Variants in CTNNA3 observed in about 807,000 individuals in gnomAD.
CTNNA3 encodes catenin alpha-3.
In CTNNA3, 76 loss-of-function variants were observed where a neutral mutation model predicts 95.7. The ratio of observed to expected loss-of-function variants is 0.79; its 90% confidence interval spans 0.66 to 0.96. The LOEUF (loss-of-function observed/expected upper bound fraction) is 0.96, where lower values mean the gene tolerates loss of function less well. Ranked by LOEUF, CTNNA3 falls within the 40% of genes least tolerant of loss-of-function variation. The probability of loss-of-function intolerance (pLI) is 0.00; values close to 1 mark genes in which losing one functional copy is unlikely to be tolerated. For synonymous variants in CTNNA3, 431 were observed against 374.4 expected, an observed-to-expected ratio of 1.15 and a Z score of -1.74; for missense variants, 1,191 against 1,089.8, an observed-to-expected ratio of 1.09 and a Z score of -1.31.
At chr10:65,979,605 T>G (rs1308967906) in intron 16 of CTNNA3, among the ~76,000 whole-genome samples, 2 of 152,116 alleles carry the variant, frequency 1.3e-5, no homozygotes, top group Non-Finnish European at 2.9e-5. Flanking sequence ...TCTTCTCCAC[T>G]TATACAAGAT....
chr10:67,711,094 C>T (rs1004670145), intron 1 of CTNNA3, among the ~76,000 whole-genome samples: 5 of 152,192 alleles, frequency 3.3e-5, no homozygotes, highest in African/African-American at 1.2e-4. Context: ...GCCTTATCTT[C>T]CACCATGATT....
intron 5 of CTNNA3, among the ~76,000 whole-genome samples, chr10:67,451,189 T>A (rs1846966692): frequency 6.6e-6 from 1 of 152,098 alleles, no homozygotes; most frequent in Non-Finnish European, 1.5e-5. Context: ...TGCTTCTGCC[T>A]TCTTCTATGG....
intron 1 of CTNNA3, among the ~76,000 whole-genome samples, chr10:67,741,273 A>G (rs1020460504): frequency 6.7e-6 from 1 of 150,128 alleles, no homozygotes; most frequent in Admixed American, 6.7e-5. Context: ...ACTAACCTGC[A>G]CATTGTGCAC....
At chr10:67,357,177 T>A (rs1430225111) in intron 5 of CTNNA3, among the ~76,000 whole-genome samples, 1 of 152,092 alleles carries the variant, frequency 6.6e-6, no homozygotes, top group Admixed American at 6.6e-5. Context: ...TCTCCACATG[T>A]ATCCTAACTT....
chr10:67,686,408 T>A (rs1482090828), intron 1 of CTNNA3, among the ~76,000 whole-genome samples: 1 of 152,176 alleles, frequency 6.6e-6, no homozygotes, highest in African/African-American at 2.4e-5. Flanking sequence ...GTGGCATAAG[T>A]CTGGACTATA....
At chr10:66,807,794 G>A (rs1348667547) in intron 7 of CTNNA3, among the ~76,000 whole-genome samples, 5 of 151,912 alleles carry the variant, frequency 3.3e-5, no homozygotes, top group African/African-American at 1.2e-4. Flanking sequence ...AGTTGAATTA[G>A]AAAAAAAGCT....
intron 5 of CTNNA3, among the ~76,000 whole-genome samples, chr10:67,392,848 T>C (rs969355261): frequency 2.1e-4 from 32 of 152,030 alleles, no homozygotes; most frequent in Admixed American, 7.2e-4. Context: ...TAGGTGGGAA[T>C]TGAACAATGA....
At chr10:67,023,092 T>G (rs900461625) in intron 7 of CTNNA3, among the ~76,000 whole-genome samples, 8 of 152,190 alleles carry the variant, frequency 5.3e-5, no homozygotes, top group Admixed American at 6.5e-5. Flanking sequence ...TGTATCTAAT[T>G]CAATGCCAAT....
intron 13 of CTNNA3, among the ~76,000 whole-genome samples, chr10:66,277,069 C>T (rs1015943202): frequency 1.3e-5 from 2 of 152,006 alleles, no homozygotes; most frequent in Non-Finnish European, 2.9e-5. Context: ...GTATGATAGT[C>T]TATAACCTCA....
chr10:66,083,041 T>TC (rs34691187), intron 14 of CTNNA3, among the ~76,000 whole-genome samples: 16,264 of 152,006 alleles, frequency 0.11, 1,063 homozygotes, highest in Non-Finnish European at 0.15. Context: ...ACTATTTTTT[T>TC]TTCTCTTTGC....
intron 11 of CTNNA3, among the ~76,000 whole-genome samples, chr10:66,432,248 C>A (rs1326854415): frequency 2.0e-5 from 3 of 152,018 alleles, no homozygotes; most frequent in African/African-American, 7.3e-5. Context: ...AAAAGCTAAC[C>A]TACTCATCCA....
intron 2 of CTNNA3, among the ~76,000 whole-genome samples, chr10:67,620,198 C>A (rs993877043): frequency 2.6e-5 from 4 of 152,102 alleles, no homozygotes; most frequent in Admixed American, 6.5e-5. Flanking sequence ...AAACCACAGA[C>A]CCTAGCCAAG....
At chr10:67,246,639 C>T (rs1173034981) in intron 5 of CTNNA3, among the ~76,000 whole-genome samples, 1 of 152,090 alleles carries the variant, frequency 6.6e-6, no homozygotes, top group Admixed American at 6.6e-5. Flanking sequence ...TATAAATTTA[C>T]AGCAATGATA....
intron 16 of CTNNA3, among the ~76,000 whole-genome samples, chr10:65,967,981 T>G (rs79207550): frequency 6.6e-6 from 1 of 152,152 alleles, no homozygotes; most frequent in Non-Finnish European, 1.5e-5. Context: ...TAATGTAGCA[T>G]TACTCAGTAT....
chr10:66,860,069 T>G (rs1843853207), intron 7 of CTNNA3, among the ~76,000 whole-genome samples: 1 of 140,982 alleles, frequency 7.1e-6, no homozygotes. Context: ...TAATGCTAAA[T>G]GATGAGTTAA....
chr10:66,352,903 G>A (rs1288095991), intron 12 of CTNNA3, among the ~76,000 whole-genome samples: 2 of 152,040 alleles, frequency 1.3e-5, no homozygotes, highest in African/African-American at 4.8e-5. Flanking sequence ...AGACTGTGGT[G>A]AAGCAGGAAG....
intron 11 of CTNNA3, among the ~76,000 whole-genome samples, chr10:66,400,738 T>C (rs1355339037): frequency 1.3e-5 from 2 of 152,160 alleles, no homozygotes; most frequent in East Asian, 1.9e-4. Flanking sequence ...TTTCAATAGA[T>C]AGATAGCTAT....
chr10:66,948,194 G>A (rs972041114), intron 7 of CTNNA3, among the ~76,000 whole-genome samples: 7 of 152,122 alleles, frequency 4.6e-5, no homozygotes, highest in Non-Finnish European at 5.9e-5. Flanking sequence ...GGCTCTTCTC[G>A]AAATTCTCAA....
chr10:67,166,924 T>G (rs765201059), intron 7 of CTNNA3, among the ~76,000 whole-genome samples: 82 of 152,184 alleles, frequency 5.4e-4, no homozygotes, highest in Middle Eastern at 6.8e-3. Context: ...CTGGCCAACA[T>G]GGCAAAACCC....
Sources: allele counts gnomAD v4.1 joint callset (sites outside exome capture counted in the v4.1 genomes callset), GRCh38; gene constraint gnomAD v4.1.1; transcripts MANE v1.5; gene names NCBI Gene and HGNC (gene_info 2026-07-23, HGNC 2026-07-21).